Variants in ZNF558 observed in about 807,000 individuals in gnomAD.
ZNF558 encodes zinc finger protein 558.
Under a neutral mutation model 37.6 loss-of-function variants are expected in ZNF558, and 23 were observed. The observed-to-expected ratio is 0.61, with a 90% CI of 0.44 to 0.87. ZNF558 has a LOEUF of 0.87. ZNF558 is among the 40% of genes least tolerant of loss of function. The pLI is 0.00. For missense variants in ZNF558, 429 were observed against 483.7 expected (o/e 0.89, Z 1.06); for synonymous variants, 189 against 174.4 (o/e 1.08, Z -0.66).
intron 4 of ZNF558, among the ~76,000 whole-genome samples, chr19:8,823,059 A>G (rs2044134461): frequency 6.6e-6 from 1 of 151,842 alleles, no homozygotes; most frequent in Non-Finnish European, 1.5e-5. Flanking sequence ...CGGCGCCTCC[A>G]TAACTCCTCC....
chr19:8,810,694 T>TAG lies in ZNF558; in HGVS notation c.*586_*587insCT, dbSNP rs2145172593. On this transcript the variant is annotated 3_prime_UTR_variant, in exon 10 of 10. Transcript: ENST00000601372. ...AAATTTCCCAGATGCTTCTGAGTTA[T>TAG]CTGTTTCCTGGTATTCATACCTTCT... The TAG allele has an allele frequency of 6.6e-6, 1 of 152,464 alleles. No homozygotes were observed. Among genetic ancestry groups the TAG allele is most frequent in the African/African-American group, 2.4e-5 (1 of 41,580 alleles). 9.4% of individuals were successfully genotyped at this position (152,464 alleles called of 1,614,324 possible).
At chr19:8,815,267 A>G (rs782077388) in intron 7 of ZNF558, among the ~76,000 whole-genome samples, 2 of 152,206 alleles carry the variant, frequency 1.3e-5, no homozygotes. Flanking sequence ...ACAAATTTTC[A>G]TCAAATGAAA....
chr19:8,831,855 G>C (rs1279232461), intron 1 of ZNF558, among the ~76,000 whole-genome samples: 1 of 152,140 alleles, frequency 6.6e-6, no homozygotes. Context: ...TACAACGTAG[G>C]ATCTTTAAGA....
At position 8,818,599 on chromosome 19, in the gene ZNF558, T is replaced by C. The variant is rs1055799157; in HGVS notation, c.247+2581A>G. Among the ~76,000 whole-genome samples, 3 of 152,320 alleles carry C rather than the reference T, an allele frequency of 2.0e-5. No individual in the cohort carries two copies. The East Asian group carries it at 5.8e-4, about 29-fold the overall frequency. On this transcript the variant is annotated intron_variant, in intron 7 of 9. Transcript: ENST00000601372. ...ATACACAAACTGATCTGAAAATTCA[T>C]GGCATTGCGAGGGATCTTGAACAGA...
At chr19:8,821,512 G>A in intron 6 of ZNF558, 1 of 1,441,260 alleles carries the variant, frequency 6.9e-7, no homozygotes, top group Non-Finnish European at 9.1e-7. Context: ...CTTCTCCCTG[G>A]CTTCTGAGCT....
At chr19:8,815,815 G>C (rs1358775679) in intron 7 of ZNF558, among the ~76,000 whole-genome samples, 1 of 151,866 alleles carries the variant, frequency 6.6e-6, no homozygotes. Flanking sequence ...GAGAGAGAGA[G>C]AGAGAATGTG....
intron 7 of ZNF558, among the ~76,000 whole-genome samples, chr19:8,817,294 C>A (rs1301124253): frequency 6.6e-6 from 1 of 152,116 alleles, no homozygotes. Flanking sequence ...TATGATGGTA[C>A]AAAGATCATA....
Position 8,811,524 on chromosome 19 carries a change from A to G in ZNF558, c.966T>C (p.Cys322=). Residue 322 remains cysteine, a synonymous_variant, in exon 10 of 10, where the codon TGT becomes TGC. Transcript: ENST00000601372. ...TGCTGAAGGATTTCCCACACTCGTT[A>G]CATTCATAGGGTTTTTCTCCAGTAT... ...RTHTGEKPYE[C]NECGKSFSSS... The G allele has an allele frequency of 6.2e-7, 1 of 1,614,194 alleles. No individual in the cohort carries two copies. The highest frequency in any genetic ancestry group is 8.5e-7 in the Non-Finnish European group (1 of 1,180,014).
rs367968123 is a variant in ZNF558, at chr19:8,824,373, G to C, written c.-357C>G. The C allele has an allele frequency of 2.0e-5, 3 of 152,248 alleles. No individual in the cohort carries two copies. The highest frequency in any genetic ancestry group is 7.2e-5 in the African/African-American group (3 of 41,446). 9.4% of individuals were successfully genotyped at this position (152,248 alleles called of 1,614,324 possible). A position where few individuals can be genotyped will look rare whatever the true frequency, so the allele number is the denominator to read the frequency against. The stretch of plus-strand genomic sequence containing the variant: ...ATGCAGACCCAGCTGACAGCCTTCT[G>C]CAAGTTTCCAGCCAGAGCCTTCCAG... On this transcript the variant is annotated 5_prime_UTR_variant, in exon 4 of 10. Transcript: ENST00000601372.
chr19:8,815,595 A>G (rs1170749807), intron 7 of ZNF558, among the ~76,000 whole-genome samples: 1 of 152,122 alleles, frequency 6.6e-6, no homozygotes, highest in Non-Finnish European at 1.5e-5. Context: ...AGCCTGGGAA[A>G]CATGGTGAGA....
At chr19:8,821,064 T>C (rs1227181596) in intron 7 of ZNF558, 116 bp downstream of exon 7, 4 of 1,456,134 alleles carry the variant, frequency 2.7e-6, no homozygotes, top group Non-Finnish European at 2.7e-6. Flanking sequence ...CTTAGAATGG[T>C]TAAAAATGGT....
rs2044111793 is a variant in ZNF558 at position 8,822,195 on chromosome 19, C to T, written c.32-104G>A. The stretch of plus-strand genomic sequence containing the variant: ...CTCCCACACCCACACGGATGAGGCA[C>T]CACACAGTGCCCACCTACGCTCCAT... On this transcript the variant is annotated intron_variant, in intron 5 of 9. Coordinates refer to ENST00000601372, the MANE Select transcript of ZNF558 (RefSeq NM_144693.3). This position sits in a 1 kb window ranked among gnomAD's most constrained non-coding sequence, Gnocchi z 4.4. 3.0e-6 allele frequency: 4 copies of T among 1,354,392 alleles called. No homozygotes were observed. The highest frequency in any genetic ancestry group is 4.1e-6 in the Non-Finnish European group (4 of 967,944). 83.9% of individuals were successfully genotyped at this position (1,354,392 alleles called of 1,614,324 possible).
At chr19:8,826,358 A>G (rs2145288785) in intron 2 of ZNF558, among the ~76,000 whole-genome samples, 2 of 152,150 alleles carry the variant, frequency 1.3e-5, no homozygotes, top group South Asian at 4.2e-4. Context: ...TGAAATAATT[A>G]TACGACTCAC....
rs1316658933 is a variant in ZNF558, at chr19:8,822,645, G to T, written c.15C>A (p.Ile5=). The part of the protein sequence containing the change: MAAV[I]LPSTAAPSSL... The stretch of plus-strand genomic sequence containing the variant: ...ACGACTCACCAGCAGTCGAGGGCAG[G>T]ATGACAGCCGCCATCCTGTGACTCC... The change falls in exon 5 of 10, where the codon ATC becomes ATA. Residue 5 remains isoleucine, a synonymous_variant. Transcript: ENST00000601372. The surrounding 1 kb of genome is among the most constrained non-coding windows in gnomAD (Gnocchi z 4.4). The T allele has an allele frequency of 6.2e-7, 1 of 1,613,932 alleles. No homozygotes were observed. Among genetic ancestry groups the T allele is most frequent in the Non-Finnish European group, 8.5e-7 (1 of 1,179,990 alleles).
At chr19:8,837,583 G>C in the ZNF558 span, among the ~76,000 whole-genome samples, 12 of 152,242 alleles carry the variant, frequency 7.9e-5, no homozygotes, top group East Asian at 2.3e-3. Context: ...TCTGGCTGGA[G>C]GGCAGAAGGC....
In ZNF558 at chr19:8,806,180, A is replaced by C. The variant is rs1244630887; in HGVS notation, c.*5101T>G. 1 of 152,198 alleles carries C rather than the reference A, an allele frequency of 6.6e-6. No homozygotes were observed. Among genetic ancestry groups the C allele is most frequent in the Non-Finnish European group, 1.5e-5 (1 of 68,042 alleles). The allele number at this position is 152,198 out of a possible 1,614,324, so 9.4% of individuals were successfully genotyped here. ...GAGATCAATGCAATGTGTTTTTAAA[A>C]GCATTTTATTTTGGAAAGTTTAGAT... On this transcript the variant is annotated 3_prime_UTR_variant, in exon 10 of 10. Coordinates refer to ENST00000601372, the MANE Select transcript of ZNF558 (RefSeq NM_144693.3).
rs1361949007 is a variant in ZNF558, at chr19:8,810,693, ATC to A, written c.*586_*587del. Reference sequence around the variant, plus strand: ...CAAATTTCCCAGATGCTTCTGAGTTATCTGTTTCCTGGTATTCATACCTTCTG... The same window carrying A: ...CAAATTTCCCAGATGCTTCTGAGTTATGTTTCCTGGTATTCATACCTTCTG... On this transcript the variant is annotated 3_prime_UTR_variant, in exon 10 of 10. Transcript: ENST00000601372. The A allele has an allele frequency of 2.6e-5, 4 of 152,422 alleles. No homozygotes were observed. Among genetic ancestry groups the A allele is most frequent in the Middle Eastern group, 3.4e-3 (1 of 294 alleles). The allele number at this position is 152,422 out of a possible 1,614,324, so 9.4% of individuals were successfully genotyped here. A position where few individuals can be genotyped will look rare whatever the true frequency, so the allele number is the denominator to read the frequency against.
rs1398015358 is a variant in ZNF558 at position 8,807,926 on chromosome 19, T to A, written c.*3355A>T. On this transcript the variant is annotated 3_prime_UTR_variant, in exon 10 of 10. Transcript: ENST00000601372. ...AGATCTTGGCTCTACCATTTACCAG[T>A]CAGTGAATGCAGGCAAGTAACTTAA... 6.6e-6 allele frequency: 1 copy of A among 152,184 alleles called. No individual in the cohort carries two copies. The highest frequency in any genetic ancestry group is 1.5e-5 in the Non-Finnish European group (1 of 68,038). The allele number at this position is 152,184 out of a possible 1,614,324, so 9.4% of individuals were successfully genotyped here. A position where few individuals can be genotyped will look rare whatever the true frequency, so the allele number is the denominator to read the frequency against.
At chr19:8,813,977 A>G (rs1372788215) in intron 7 of ZNF558, among the ~76,000 whole-genome samples, 1 of 152,238 alleles carries the variant, frequency 6.6e-6, no homozygotes, top group Non-Finnish European at 1.5e-5. Flanking sequence ...AGAAAACTTG[A>G]AAGAAGTGAT....
Sources: allele counts gnomAD v4.1 joint callset (sites outside exome capture counted in the v4.1 genomes callset), GRCh38; gene constraint gnomAD v4.1.1; non-coding constraint Gnocchi (gnomAD v3.1); transcripts MANE v1.5; gene names NCBI Gene and HGNC (gene_info 2026-07-23, HGNC 2026-07-21).